The following CMIP variants were observed in gnomAD, a reference collection of about 807,000 sequenced individuals.
The protein encoded by CMIP is C-Maf-inducing protein.
A neutral mutation model predicts 97.3 loss-of-function variants in CMIP; 13 were observed. The ratio of observed to expected loss-of-function variants is 0.13; its 90% CI spans 0.09 to 0.21. The LOEUF (loss-of-function observed/expected upper bound fraction) is 0.21. Among genes scored for constraint, CMIP ranks in the 10% least tolerant of loss-of-function variants. The pLI is 1.00. For missense variants in CMIP, 847 were observed against 1,024.9 expected, an observed-to-expected ratio of 0.83 and a Z score of 2.37; for synonymous variants, 538 against 436.3, an observed-to-expected ratio of 1.23 and a Z score of -2.91.
chr16:81,540,283 C>T (rs2090423961), intron 1 of CMIP, among the ~76,000 whole-genome samples: 2 of 152,182 alleles, frequency 1.3e-5, no homozygotes, highest in African/African-American at 4.8e-5. Flanking sequence ...GAGCTCCATC[C>T]TGTGCCGCCT....
chr16:81,644,091 T>C (rs2092336332), intron 3 of CMIP, among the ~76,000 whole-genome samples: 1 of 152,220 alleles, frequency 6.6e-6, no homozygotes, highest in Non-Finnish European at 1.5e-5. Context: ...TGACCTGTAA[T>C]GAAAACGAAC....
At chr16:81,685,367 C>T (rs762840871) in intron 10 of CMIP, among the ~76,000 whole-genome samples, 22 of 152,190 alleles carry the variant, frequency 1.4e-4, no homozygotes, top group African/African-American at 2.4e-4. Context: ...GCCACGCTCA[C>T]GGTTCACAGA....
intron 1 of CMIP, among the ~76,000 whole-genome samples, chr16:81,526,365 A>G (rs1049722263): frequency 2.0e-5 from 3 of 152,194 alleles, no homozygotes; most frequent in East Asian, 3.8e-4. Flanking sequence ...GGCAGTACCA[A>G]TCACAGTGGT....
At chr16:81,600,063 A>G (rs1228680096) in intron 1 of CMIP, among the ~76,000 whole-genome samples, 1 of 151,896 alleles carries the variant, frequency 6.6e-6, no homozygotes, top group Admixed American at 6.6e-5. Context: ...GGTGGATCAC[A>G]AGGTCAGGAG....
At chr16:81,626,812 T>TG (rs1335002419) in intron 3 of CMIP, among the ~76,000 whole-genome samples, 2 of 120,326 alleles carry the variant, frequency 1.7e-5, no homozygotes, top group East Asian at 3.5e-4. Context: ...TGTGTGTGTG[T>TG]GTGTGGGGTG....
intron 1 of CMIP, among the ~76,000 whole-genome samples, chr16:81,508,204 G>C (rs1031376817): frequency 2.0e-5 from 3 of 152,212 alleles, no homozygotes; most frequent in African/African-American, 7.2e-5. Flanking sequence ...CACAGCTCAG[G>C]AAATCTATAA....
intron 1 of CMIP, among the ~76,000 whole-genome samples, chr16:81,577,551 A>C (rs2091216252): frequency 6.8e-6 from 1 of 147,258 alleles, no homozygotes. Context: ...CTATATTATT[A>C]TCACTATCAC....
At chr16:81,476,949 G>A (rs550653823) in intron 1 of CMIP, among the ~76,000 whole-genome samples, 14 of 152,210 alleles carry the variant, frequency 9.2e-5, no homozygotes, top group Admixed American at 5.2e-4. Flanking sequence ...CCCAGCCCCA[G>A]CGTGGAGGTC....
chr16:81,663,576 C>T (rs1238404003), intron 6 of CMIP, among the ~76,000 whole-genome samples: 1 of 152,184 alleles, frequency 6.6e-6, no homozygotes, highest in Non-Finnish European at 1.5e-5. Flanking sequence ...AGACATTTGT[C>T]TAAACACCCA....
In CMIP at chr16:81,614,680, ATGTG is replaced by A. The variant is rs143871815; in HGVS notation, c.427-6182_427-6179del. Among the ~76,000 whole-genome samples the A allele has an allele frequency of 1.2e-4, 18 of 149,734 alleles. No individual in the cohort carries two copies. The highest frequency in any genetic ancestry group is 2.1e-4 in the South Asian group (1 of 4,680). ...GTGTGTATGTATGTCTGTATGGTTT[ATGTG>A]TGTGTGTGTGTGTATGGTATGTCTG... On this transcript the variant is annotated intron_variant, in intron 2 of 20. Coordinates refer to ENST00000537098, the MANE Select transcript of CMIP (RefSeq NM_198390.3). The surrounding 1 kb of genome is among the most constrained non-coding windows in gnomAD (Gnocchi z 5.3).
At chr16:81,531,787 C>T (rs1172794231) in intron 1 of CMIP, among the ~76,000 whole-genome samples, 1 of 152,174 alleles carries the variant, frequency 6.6e-6, no homozygotes, top group African/African-American at 2.4e-5. Flanking sequence ...ACCATGTCAC[C>T]ACCAGGAAGG....
chr16:81,579,943 G>A (rs1298352791), intron 1 of CMIP, among the ~76,000 whole-genome samples: 2 of 152,222 alleles, frequency 1.3e-5, no homozygotes, highest in Non-Finnish European at 2.9e-5. Context: ...CTGGGCGACA[G>A]TGCGAGACTC....
intron 1 of CMIP, among the ~76,000 whole-genome samples, chr16:81,535,999 G>A (rs1218871307): frequency 2.6e-5 from 4 of 152,132 alleles, no homozygotes; most frequent in Non-Finnish European, 4.4e-5. Flanking sequence ...TCGGTGACAA[G>A]GGACCTCTTG....
chr16:81,656,037 A>G (rs1195932124), intron 4 of CMIP, among the ~76,000 whole-genome samples: 4 of 152,064 alleles, frequency 2.6e-5, no homozygotes, highest in Non-Finnish European at 5.9e-5. Flanking sequence ...GGCTGCTCAA[A>G]CTCCACTCAT....
chr16:81,548,168 C>G (rs1000285043), intron 1 of CMIP, among the ~76,000 whole-genome samples: 3 of 137,238 alleles, frequency 2.2e-5, no homozygotes, highest in Non-Finnish European at 3.0e-5. Flanking sequence ...GGGTCTCCCT[C>G]TGTCCCTCAG....
chr16:81,610,270 G>A (rs977016234), intron 2 of CMIP: 8 of 977,424 alleles, frequency 8.2e-6, no homozygotes, highest in Admixed American at 6.2e-5. Context: ...TCGCCTGGCC[G>A]CCGTGTCTGG....
chr16:81,566,353 G>C (rs939984295), intron 1 of CMIP, among the ~76,000 whole-genome samples: 4 of 152,218 alleles, frequency 2.6e-5, no homozygotes, highest in Admixed American at 1.3e-4. Flanking sequence ...CTTTCAGACA[G>C]TGAAGGAGCC....
intron 8 of CMIP, among the ~76,000 whole-genome samples, 166 bp downstream of exon 8, chr16:81,670,411 G>T (rs2092671348): frequency 6.6e-6 from 1 of 152,110 alleles, no homozygotes; most frequent in South Asian, 2.1e-4. Context: ...CGGACACACT[G>T]GACCTCAGCA....
At chr16:81,609,187 C>T (rs537655350) in intron 2 of CMIP, among the ~76,000 whole-genome samples, 3 of 151,928 alleles carry the variant, frequency 2.0e-5, no homozygotes, top group East Asian at 1.9e-4. Flanking sequence ...TCCCTCCCCC[C>T]CTCCCCACCA....
Sources: allele counts gnomAD v4.1 joint callset (sites outside exome capture counted in the v4.1 genomes callset), GRCh38; gene constraint gnomAD v4.1.1; non-coding constraint Gnocchi (gnomAD v3.1); transcripts MANE v1.5; gene names NCBI Gene and HGNC (gene_info 2026-07-23, HGNC 2026-07-21).